NEGR1: variants seen among roughly 807,000 people sequenced by gnomAD.
The protein encoded by NEGR1 is neuronal growth regulator 1.
In NEGR1, 10 loss-of-function variants were observed where a neutral mutation model predicts 40.9. That is an observed-to-expected ratio of 0.24 (90% confidence interval 0.15 to 0.42). NEGR1 has a LOEUF of 0.42. Ranked by LOEUF, NEGR1 falls within the 10% of genes least tolerant of loss-of-function variation. NEGR1 has a pLI of 1.00. For synonymous variants in NEGR1, 185 were observed against 166.8 expected, an observed-to-expected ratio of 1.11 and a Z score of -0.84; for missense variants, 352 against 438.9, an observed-to-expected ratio of 0.80 and a Z score of 1.77.
intron 3 of NEGR1, among the ~76,000 whole-genome samples, chr1:71,756,463 C>T (rs1011651150): frequency 4.0e-5 from 6 of 149,798 alleles, no homozygotes; most frequent in Non-Finnish European, 5.9e-5. Context: ...AGTTAAACAG[C>T]GAGGGTTGAG....
At chr1:72,147,427 C>A (rs1283120922) in intron 1 of NEGR1, among the ~76,000 whole-genome samples, 1 of 152,044 alleles carries the variant, frequency 6.6e-6, no homozygotes, top group African/African-American at 2.4e-5. Context: ...AAAAGGCCAG[C>A]CCCCATGATT....
chr1:71,822,229 G>A (rs146817829), intron 2 of NEGR1, among the ~76,000 whole-genome samples: 1 of 151,896 alleles, frequency 6.6e-6, no homozygotes, highest in African/African-American at 2.4e-5. Flanking sequence ...GAAGCAAAAG[G>A]CTAGACTGTC....
intron 6 of NEGR1, among the ~76,000 whole-genome samples, chr1:71,432,059 G>A (rs913637476): frequency 7.2e-5 from 11 of 152,130 alleles, no homozygotes; most frequent in African/African-American, 2.2e-4. Context: ...AGATGATGTC[G>A]TAGATCAAGG....
At position 72,163,427 on chromosome 1, in the gene NEGR1, C is replaced by T. The variant is rs536136065; in HGVS notation, c.176+118892G>A. 3.9e-5 allele frequency among the ~76,000 whole-genome samples: 6 copies of T among 151,998 alleles called. No homozygotes were observed. In the East Asian group the frequency reaches 7.7e-4, roughly 20 times the overall value. On this transcript the variant is annotated intron_variant, in intron 1 of 6. Transcript: ENST00000357731. ...TTTTACTTGCTTTCTTTCTACCATG[C>T]GCTACATGATAAACACAAACATATA... is the stretch of plus-strand genomic sequence containing the variant.
At chr1:71,654,267 A>G (rs564902168) in intron 4 of NEGR1, among the ~76,000 whole-genome samples, 13 of 152,276 alleles carry the variant, frequency 8.5e-5, no homozygotes, top group Non-Finnish European at 1.8e-4. Flanking sequence ...TCATACTGTA[A>G]TGATATATGA....
intron 1 of NEGR1, among the ~76,000 whole-genome samples, chr1:71,947,681 A>G (rs1011730399): frequency 3.3e-5 from 5 of 152,144 alleles, no homozygotes; most frequent in African/African-American, 7.2e-5. Flanking sequence ...ATGATTCTAC[A>G]TGTTCAACAG....
chr1:71,499,604 C>T (rs904354505), intron 6 of NEGR1, among the ~76,000 whole-genome samples: 12 of 151,314 alleles, frequency 7.9e-5, no homozygotes, highest in South Asian at 6.2e-4. Flanking sequence ...CCTGACCTCA[C>T]GATTGCTTAT....
At chr1:72,086,653 G>T (rs1204222037) in intron 1 of NEGR1, among the ~76,000 whole-genome samples, 1 of 152,040 alleles carries the variant, frequency 6.6e-6, no homozygotes, top group Non-Finnish European at 1.5e-5. Context: ...TATTTGATTT[G>T]GTGTCTGGTT....
chr1:72,012,856 T>TATATATATATATATAC (rs769682455), intron 1 of NEGR1, among the ~76,000 whole-genome samples: 1 of 135,206 alleles, frequency 7.4e-6, no homozygotes, highest in Non-Finnish European at 1.6e-5. Context: ...TATATATATA[T>TATATATATATATATAC]ACACACACAC....
chr1:72,125,106 A>G (rs528110702), intron 1 of NEGR1, among the ~76,000 whole-genome samples: 1 of 152,230 alleles, frequency 6.6e-6, no homozygotes, highest in Non-Finnish European at 1.5e-5. Context: ...ATCTAGGAAA[A>G]CATGAAAGTT....
At chr1:71,633,602 G>A (rs1056769442) in intron 4 of NEGR1, among the ~76,000 whole-genome samples, 1 of 152,050 alleles carries the variant, frequency 6.6e-6, no homozygotes, top group Non-Finnish European at 1.5e-5. Flanking sequence ...TATTACCATG[G>A]AAAGTTAGAG....
intron 2 of NEGR1, among the ~76,000 whole-genome samples, chr1:71,825,077 A>G (rs1658572587): frequency 6.6e-6 from 1 of 151,936 alleles, no homozygotes; most frequent in African/African-American, 2.4e-5. Context: ...CTACCAAACT[A>G]TTCTCCAAAA....
intron 3 of NEGR1, among the ~76,000 whole-genome samples, chr1:71,698,704 G>C (rs901625769): frequency 2.0e-5 from 3 of 151,756 alleles, no homozygotes; most frequent in African/African-American, 7.3e-5. Flanking sequence ...TATAACTCAC[G>C]CAATAAATCT....
At chr1:71,558,222 A>G (rs1648315744) in intron 6 of NEGR1, among the ~76,000 whole-genome samples, 1 of 151,540 alleles carries the variant, frequency 6.6e-6, no homozygotes, top group South Asian at 2.1e-4. Context: ...GAACATCCCC[A>G]CACTCAAAGG....
chr1:71,627,998 G>A (rs924619503), intron 4 of NEGR1, among the ~76,000 whole-genome samples: 1 of 152,042 alleles, frequency 6.6e-6, no homozygotes, highest in Non-Finnish European at 1.5e-5. Context: ...TCAGGAGGGT[G>A]TTATGAGAAC....
intron 3 of NEGR1, among the ~76,000 whole-genome samples, chr1:71,770,619 A>G (rs1409456871): frequency 6.6e-6 from 1 of 152,238 alleles, no homozygotes; most frequent in East Asian, 1.9e-4. Flanking sequence ...AGAAGTAAAC[A>G]AAATGATGGG....
chr1:71,428,706 T>C (rs1162396119), intron 6 of NEGR1, among the ~76,000 whole-genome samples: 1 of 150,734 alleles, frequency 6.6e-6, no homozygotes, highest in Non-Finnish European at 1.5e-5. Context: ...TATTTACTCC[T>C]CACAACAGCC....
chr1:72,179,035 G>T (rs368420508), intron 1 of NEGR1, among the ~76,000 whole-genome samples: 16 of 151,692 alleles, frequency 1.1e-4, no homozygotes, highest in African/African-American at 3.6e-4. Context: ...AATTTTAGAG[G>T]TTTTTTCATA....
chr1:71,800,926 A>G (rs1280836082), intron 2 of NEGR1, among the ~76,000 whole-genome samples: 1 of 152,202 alleles, frequency 6.6e-6, no homozygotes, highest in Non-Finnish European at 1.5e-5. Flanking sequence ...ATTTTACAAT[A>G]AAATGCCTCA....
Sources: gnomAD v4.1 joint callset for allele counts (sites outside exome capture counted in the v4.1 genomes callset) on GRCh38, gnomAD v4.1.1 for gene constraint, MANE v1.5 for transcripts, NCBI Gene and HGNC (gene_info 2026-07-23, HGNC 2026-07-21) for gene names.